Variants in RAPH1 observed in about 807,000 individuals in gnomAD.
RAPH1 encodes the protein Ras association (RalGDS/AF-6) and pleckstrin homology domains 1, also known as ras-associated and pleckstrin homology domains-containing protein 1.
Under a neutral mutation model 88.1 loss-of-function variants are expected in RAPH1, and 18 were observed. That is an observed-to-expected ratio of 0.20 (90% CI 0.14 to 0.30). The LOEUF (loss-of-function observed/expected upper bound fraction) is 0.30. Among genes scored for constraint, RAPH1 ranks in the 10% least tolerant of loss-of-function variants. The probability of loss-of-function intolerance (pLI) is 1.00; values close to 1 mark genes in which losing one functional copy is unlikely to be tolerated. For missense variants in RAPH1, 1,448 were observed against 1,543.2 expected, an observed-to-expected ratio of 0.94 and a Z score of 1.03; for synonymous variants, 587 against 559.0, an observed-to-expected ratio of 1.05 and a Z score of -0.71.
rs1263203525 is a variant in RAPH1 at position 203,506,809 on chromosome 2, T to G, written c.1-11456A>C. Among the ~76,000 whole-genome samples the G allele has an allele frequency of 5.7e-4, 58 of 102,278 alleles. 1 individual carries two copies. The highest frequency in any genetic ancestry group is 2.4e-3 in the African/African-American group (45 of 18,936). The allele number at this position is 102,278 out of a possible 152,430, so 67.1% of individuals were successfully genotyped here. On this transcript the variant is annotated intron_variant, in intron 1 of 13. Transcript: ENST00000319170. ...ATATATATATCTATATATATATCTA[T>G]ATCTATATATCTATATATATATCTA...
intron 1 of RAPH1, among the ~76,000 whole-genome samples, chr2:203,497,203 T>C (rs144218847): frequency 3.3e-5 from 5 of 152,326 alleles, no homozygotes; most frequent in African/African-American, 4.8e-5. Flanking sequence ...TGCCTCCCTG[T>C]GGAGGAAGCC....
rs534655346 is a variant in RAPH1, at chr2:203,447,865, T to C, written c.1633+94A>G. On this transcript the variant is annotated intron_variant, in intron 12 of 13. Transcript: ENST00000319170. Reference sequence around the variant, plus strand: ...AGGAATTAAGTATGGCTCCGGTTTTTAAGAATCAAGTTGAAATTTCCAGGT... The same window carrying C: ...AGGAATTAAGTATGGCTCCGGTTTTCAAGAATCAAGTTGAAATTTCCAGGT... The C allele has an allele frequency of 2.0e-5, 27 of 1,351,198 alleles. No individual in the cohort carries two copies. In the African/African-American group the frequency reaches 3.6e-4, roughly 18 times the overall value. 83.7% of individuals were successfully genotyped at this position (1,351,198 alleles called of 1,614,324 possible).
At chr2:203,478,781 G>A (rs1000498151) in intron 4 of RAPH1, among the ~76,000 whole-genome samples, 2 of 152,154 alleles carry the variant, frequency 1.3e-5, no homozygotes, top group Non-Finnish European at 2.9e-5. Context: ...GAGCCACTGC[G>A]CCCAGCCAAC....
At chr2:203,533,101 T>C (rs1690456584) in intron 1 of RAPH1, among the ~76,000 whole-genome samples, 3 of 152,096 alleles carry the variant, frequency 2.0e-5, no homozygotes, top group African/African-American at 4.8e-5. Flanking sequence ...AAACACCTCT[T>C]TGGAAAATAA....
In RAPH1 at chr2:203,437,623, T is replaced by C. The variant is rs1290994063; in HGVS notation, c.*1814A>G. On this transcript the variant is annotated 3_prime_UTR_variant, in exon 14 of 14. Coordinates refer to ENST00000319170, the MANE Select transcript of RAPH1 (RefSeq NM_213589.3). ...TAACCACATGAACATAACCGAACAA[T>C]ATTCTGGAGATGTAGCAATGGAGAG... The C allele has an allele frequency of 6.5e-6, 1 of 152,712 alleles. No individual in the cohort carries two copies. Among genetic ancestry groups the C allele is most frequent in the African/African-American group, 2.4e-5 (1 of 41,450 alleles). 9.5% of individuals were successfully genotyped at this position (152,712 alleles called of 1,614,324 possible). A position where few individuals can be genotyped will look rare whatever the true frequency, so the allele number is the denominator to read the frequency against.
chr2:203,455,385 T>G (rs1169936298), intron 9 of RAPH1, 52 bp downstream of exon 9: 2 of 1,569,114 alleles, frequency 1.3e-6, no homozygotes, highest in Non-Finnish European at 1.7e-6. Flanking sequence ...CAATACAAAT[T>G]AAAAGCAATT....
In RAPH1 at chr2:203,435,129, A is replaced by G. The variant is rs144608462; in HGVS notation, c.*4308T>C. The G allele has an allele frequency of 1.9e-4, 29 of 152,636 alleles. No homozygotes were observed. The East Asian group carries it at 5.4e-3, about 28-fold the overall frequency. The allele number at this position is 152,636 out of a possible 1,614,324, so 9.5% of individuals were successfully genotyped here. The stretch of plus-strand genomic sequence containing the variant: ...CTTTTTATTTATCAAGTTTTATTCT[A>G]CAGCTAAATTTCAGATTTCTTTTAC... On this transcript the variant is annotated 3_prime_UTR_variant, in exon 14 of 14. Coordinates refer to ENST00000319170, the MANE Select transcript of RAPH1 (RefSeq NM_213589.3).
At chr2:203,449,264 C>T (rs980174471) in intron 10 of RAPH1, among the ~76,000 whole-genome samples, 1 of 152,172 alleles carries the variant, frequency 6.6e-6, no homozygotes, top group East Asian at 1.9e-4. Flanking sequence ...TTTGACAAAG[C>T]TTCAGTGTCT....
rs1553630374 is a variant in RAPH1 at position 203,506,746 on chromosome 2, A to ATATATATC, written c.1-11394_1-11393insGATATATA. ...AATCCATATATAGATATATATCTAT[A>ATATATATC]TATATATATATCTATATATATATCT... On this transcript the variant is annotated intron_variant, in intron 1 of 13. Coordinates refer to ENST00000319170, the MANE Select transcript of RAPH1 (RefSeq NM_213589.3). 4.9e-4 allele frequency among the ~76,000 whole-genome samples: 58 copies of ATATATATC among 118,850 alleles called. 3 individuals are homozygous for ATATATATC. Among genetic ancestry groups the ATATATATC allele is most frequent in the African/African-American group, 2.3e-3 (54 of 23,678 alleles). The allele number at this position is 118,850 out of a possible 152,430, so 78.0% of individuals were successfully genotyped here.
intron 8 of RAPH1, 124 bp from the exon 9 acceptor site, chr2:203,455,704 G>A (rs1023758938): frequency 1.1e-6 from 1 of 885,582 alleles, no homozygotes. Flanking sequence ...AAACCAAGCT[G>A]CTAATTTAAC....
chr2:203,435,048 CG>C lies in RAPH1; in HGVS notation c.*4388del, dbSNP rs1156588882. ...TACAGCAAGTATTTTCTCTTTAAAA[CG>C]GTTTATTACTTCAACAAGCAAAGAG... On this transcript the variant is annotated 3_prime_UTR_variant, in exon 14 of 14. Coordinates refer to ENST00000319170, the MANE Select transcript of RAPH1 (RefSeq NM_213589.3). The C allele has an allele frequency of 1.3e-5, 2 of 152,712 alleles. No individual in the cohort carries two copies. The highest frequency in any genetic ancestry group is 2.1e-4 in the South Asian group (1 of 4,830). The allele number at this position is 152,712 out of a possible 1,614,324, so 9.5% of individuals were successfully genotyped here.
At chr2:203,528,537 T>C (rs372476387) in intron 1 of RAPH1, among the ~76,000 whole-genome samples, 1 of 152,278 alleles carries the variant, frequency 6.6e-6, no homozygotes, top group East Asian at 1.9e-4. Flanking sequence ...CTTCTTCTTT[T>C]TGGATATATG....
intron 4 of RAPH1, among the ~76,000 whole-genome samples, chr2:203,475,535 TATAA>T (rs1376670933): frequency 3.3e-5 from 5 of 152,358 alleles, no homozygotes; most frequent in Admixed American, 2.6e-4. Flanking sequence ...TCATTACAAT[TATAA>T]ATAATCTTAT....
chr2:203,490,077 T>C lies in RAPH1; in HGVS notation c.239A>G (p.Gln80Arg). ...GGCATCCAGATCCACAGTCTCTCCC[T>C]GATTCAGAGCTTCTGCAATGAACAA... ...SIYNLNEALNQGETVDLDALM... is the reference protein window; with the variant it reads ...SIYNLNEALNRGETVDLDALM... The change falls in exon 4 of 14, where the codon CAG (glutamine) becomes CGG (arginine). Residue 80 changes from glutamine (Q) to arginine (R), a missense_variant. Gln to Arg is a conservative substitution (Grantham distance 43). This residue lies in a region of RAPH1 where 513 missense variants were observed against 653.1 expected (regional missense o/e 0.79). Coordinates refer to ENST00000319170, the MANE Select transcript of RAPH1 (RefSeq NM_213589.3). 1 of 1,606,706 alleles carries C rather than the reference T, an allele frequency of 6.2e-7. No homozygotes were observed. Among genetic ancestry groups the C allele is most frequent in the Non-Finnish European group, 8.5e-7 (1 of 1,175,858 alleles).
At chr2:203,477,316 AT>A (rs1250943015) in intron 4 of RAPH1, among the ~76,000 whole-genome samples, 1 of 152,244 alleles carries the variant, frequency 6.6e-6, no homozygotes, top group Non-Finnish European at 1.5e-5. Flanking sequence ...TCATTCTCTT[AT>A]ACGCAAAAAT....
At chr2:203,504,432 A>T (rs1235795600) in intron 1 of RAPH1, among the ~76,000 whole-genome samples, 1 of 152,156 alleles carries the variant, frequency 6.6e-6, no homozygotes, top group Admixed American at 6.5e-5. Context: ...GGCCCCTTTC[A>T]GCCACAGCTG....
Position 203,452,202 on chromosome 2 carries a change from G to C in RAPH1, c.1413+2228C>G, listed in dbSNP as rs535384644. ...TCCCCCAATAACTTTCTTTTACGTG[G>C]ATTATGTCTACTGATATTGAAGGAG... On this transcript the variant is annotated intron_variant, in intron 10 of 13. Coordinates refer to ENST00000319170, the MANE Select transcript of RAPH1 (RefSeq NM_213589.3). 2.0e-5 allele frequency among the ~76,000 whole-genome samples: 3 copies of C among 152,244 alleles called. No individual in the cohort carries two copies. In the South Asian group the frequency reaches 6.2e-4, roughly 32 times the overall value.
chr2:203,465,577 T>C (rs1237798486), intron 4 of RAPH1, among the ~76,000 whole-genome samples: 1 of 152,206 alleles, frequency 6.6e-6, no homozygotes, highest in Non-Finnish European at 1.5e-5. Flanking sequence ...TCACATATAT[T>C]TGCCAATATG....
At position 203,440,008 on chromosome 2, in the gene RAPH1, A is replaced by G; in HGVS notation, c.3182T>C (p.Val1061Ala). ...GGATGGAGGAGAAGGAAATTCCACC[A>G]CGGAGTCCTTTCCACGCCCACTCAG... ...PVLSGRGKDS[V>A]VEFPSPPSDS... The change falls in exon 14 of 14, where the codon GTG becomes GCG. Residue 1061 changes from valine to alanine, a missense_variant. By Grantham distance (64) the Val-to-Ala change is moderately conservative (BLOSUM62 0). Coordinates refer to ENST00000319170, the MANE Select transcript of RAPH1 (RefSeq NM_213589.3). The G allele has an allele frequency of 6.2e-7, 1 of 1,613,646 alleles. No individual in the cohort carries two copies. The highest frequency in any genetic ancestry group is 8.5e-7 in the Non-Finnish European group (1 of 1,179,956).
Sources: allele counts gnomAD v4.1 joint callset (sites outside exome capture counted in the v4.1 genomes callset), GRCh38; gene constraint gnomAD v4.1.1; regional missense constraint gnomAD v4.1.1; transcripts MANE v1.5; gene names NCBI Gene and HGNC (gene_info 2026-07-23, HGNC 2026-07-21).